The following GUCY1A2 variants were observed in gnomAD, a reference collection of about 807,000 sequenced individuals.
GUCY1A2 encodes guanylate cyclase 1 soluble subunit alpha 2.
In GUCY1A2, 27 loss-of-function variants were observed where a neutral mutation model predicts 63.5. The observed-to-expected ratio is 0.43, with a 90% CI of 0.31 to 0.59. The LOEUF is 0.59. Among genes scored for constraint, GUCY1A2 ranks in the 20% least tolerant of loss-of-function variants. GUCY1A2 has a pLI of 0.11. For synonymous variants in GUCY1A2, 364 were observed against 343.5 expected (o/e 1.06, Z -0.66); for missense variants, 768 against 913.3 (o/e 0.84, Z 2.05).
intron 4 of GUCY1A2, among the ~76,000 whole-genome samples, chr11:106,880,844 ATTGT>A (rs780541237): frequency 4.6e-5 from 7 of 151,988 alleles, no homozygotes; most frequent in Non-Finnish European, 8.8e-5. Flanking sequence ...GTTTGTTGTG[ATTGT>A]TTGTTTTGGT....
intron 6 of GUCY1A2, among the ~76,000 whole-genome samples, chr11:106,766,191 A>G (rs1171913185): frequency 1.3e-5 from 2 of 152,138 alleles, no homozygotes; most frequent in Non-Finnish European, 2.9e-5. Context: ...AACTCAGGTG[A>G]TTAAAGAGTT....
chr11:106,913,946 T>C (rs1222289484), intron 4 of GUCY1A2, among the ~76,000 whole-genome samples: 1 of 144,574 alleles, frequency 6.9e-6, no homozygotes, highest in Non-Finnish European at 1.5e-5. Context: ...AGAGTGCTAA[T>C]GTTTGTTGGG....
In GUCY1A2 at chr11:106,936,845, T is replaced by C. The variant is rs1860685352; in HGVS notation, c.1206+2615A>G. On this transcript the variant is annotated intron_variant, in intron 4 of 7. Transcript: ENST00000526355. ...AAATTATTTTAAAATAGCATTTTCTTATAAAAGCCAACTAAAAAATTAGAG... is the reference window on the plus strand; with the variant it reads ...AAATTATTTTAAAATAGCATTTTCTCATAAAAGCCAACTAAAAAATTAGAG... 9.4e-6 allele frequency: 5 copies of C among 532,332 alleles called. No homozygotes were observed. In the Admixed American group the frequency reaches 1.0e-4, roughly 11 times the overall value. The allele number at this position is 532,332 out of a possible 1,614,324, so 33.0% of individuals were successfully genotyped here. A position where few individuals can be genotyped will look rare whatever the true frequency, so the allele number is the denominator to read the frequency against.
At chr11:106,924,723 C>T (rs118004387) in intron 4 of GUCY1A2, among the ~76,000 whole-genome samples, 1,949 of 152,136 alleles carry the variant, frequency 0.013, 26 homozygotes, top group South Asian at 0.048. Flanking sequence ...TACACATCAT[C>T]GCCCAGCTTG....
At chr11:106,877,804 C>A (rs1044116590) in intron 4 of GUCY1A2, among the ~76,000 whole-genome samples, 2 of 152,058 alleles carry the variant, frequency 1.3e-5, no homozygotes, top group Non-Finnish European at 2.9e-5. Context: ...AGAGCTTCTT[C>A]ACATCAAAAG....
intron 7 of GUCY1A2, among the ~76,000 whole-genome samples, chr11:106,693,481 A>G (rs573813408): frequency 1.3e-5 from 2 of 152,130 alleles, no homozygotes; most frequent in Non-Finnish European, 2.9e-5. Flanking sequence ...ATTTGGTACA[A>G]TGACAATTAG....
intron 4 of GUCY1A2, among the ~76,000 whole-genome samples, chr11:106,845,824 G>A (rs180938119): frequency 4.0e-4 from 60 of 151,546 alleles, no homozygotes; most frequent in African/African-American, 1.4e-3. Flanking sequence ...GTTGGAAAAC[G>A]GTATGCTCAT....
chr11:106,725,374 G>A (rs1229129496), intron 6 of GUCY1A2, among the ~76,000 whole-genome samples: 2 of 47,510 alleles, frequency 4.2e-5, no homozygotes, highest in East Asian at 2.6e-4. Context: ...GGGTTTCACC[G>A]TTTTAGCCGG....
chr11:107,006,229 A>G (rs961585946), intron 1 of GUCY1A2, among the ~76,000 whole-genome samples: 1 of 152,240 alleles, frequency 6.6e-6, no homozygotes, highest in African/African-American at 2.4e-5. Context: ...TTTACAAGAA[A>G]GAAGTGAAGC....
At chr11:106,753,888 G>C (rs1041939036) in intron 6 of GUCY1A2, among the ~76,000 whole-genome samples, 2 of 152,182 alleles carry the variant, frequency 1.3e-5, no homozygotes, top group Non-Finnish European at 2.9e-5. Flanking sequence ...CCAATTCTGT[G>C]AAGAAAGTCA....
Position 106,698,119 on chromosome 11 carries a change from AT to A in GUCY1A2, c.1992-10364del, listed in dbSNP as rs71470827. ...TTTACAGCTTTCACTGAATGTTAGA[AT>A]TTTTTTTTTTTTTTTTTTAGACAGG... On this transcript the variant is annotated intron_variant, in intron 7 of 7. Transcript: ENST00000526355. Among the ~76,000 whole-genome samples, 521 of 100,476 alleles carry A rather than the reference AT, an allele frequency of 5.2e-3. 17 individuals are homozygous for A. The highest frequency in any genetic ancestry group is 0.012 in the Middle Eastern group (2 of 162). 65.9% of individuals were successfully genotyped at this position (100,476 alleles called of 152,430 possible). A position where few individuals can be genotyped will look rare whatever the true frequency, so the allele number is the denominator to read the frequency against.
chr11:106,800,263 A>T (rs1453422019), intron 5 of GUCY1A2, among the ~76,000 whole-genome samples: 1 of 152,226 alleles, frequency 6.6e-6, no homozygotes, highest in East Asian at 1.9e-4. Flanking sequence ...GATGTGGAGA[A>T]ATAGGAACAC....
intron 4 of GUCY1A2, among the ~76,000 whole-genome samples, chr11:106,928,235 T>G (rs1392757218): frequency 6.6e-6 from 1 of 152,136 alleles, no homozygotes; most frequent in African/African-American, 2.4e-5. Context: ...TGGTGTTCAA[T>G]GGCCAAAAAA....
At chr11:107,007,823 G>C (rs1389081333) in intron 1 of GUCY1A2, among the ~76,000 whole-genome samples, 1 of 152,066 alleles carries the variant, frequency 6.6e-6, no homozygotes, top group African/African-American at 2.4e-5. Flanking sequence ...TGGTAATACA[G>C]GATTTCTTAC....
chr11:106,866,490 C>G (rs915873593), intron 4 of GUCY1A2, among the ~76,000 whole-genome samples: 1 of 152,058 alleles, frequency 6.6e-6, no homozygotes, highest in East Asian at 1.9e-4. Flanking sequence ...AGAGAATGAA[C>G]TATTCTGTGC....
chr11:106,861,775 T>A (rs1045642480), intron 4 of GUCY1A2, among the ~76,000 whole-genome samples: 7 of 151,954 alleles, frequency 4.6e-5, no homozygotes, highest in African/African-American at 1.7e-4. Flanking sequence ...TATGGGGAAA[T>A]TACTCATTTA....
At chr11:106,899,682 T>C (rs1036543222) in intron 4 of GUCY1A2, among the ~76,000 whole-genome samples, 12 of 152,210 alleles carry the variant, frequency 7.9e-5, no homozygotes, top group African/African-American at 2.7e-4. Flanking sequence ...GAAATTCTTT[T>C]GATAATCTGA....
intron 6 of GUCY1A2, among the ~76,000 whole-genome samples, chr11:106,763,248 T>G (rs1487898): frequency 0.95 from 143,908 of 152,030 alleles, 68,144 homozygotes; most frequent in East Asian, 0.99. Flanking sequence ...TGTAATTTTT[T>G]TTGGTAAGTC....
chr11:106,783,840 G>C (rs1219363487), intron 5 of GUCY1A2, among the ~76,000 whole-genome samples: 2 of 152,182 alleles, frequency 1.3e-5, no homozygotes, highest in Non-Finnish European at 2.9e-5. Context: ...TTGGGTGGGG[G>C]TGGTTTCAAA....
Sources: allele counts gnomAD v4.1 joint callset (sites outside exome capture counted in the v4.1 genomes callset), GRCh38; gene constraint gnomAD v4.1.1; transcripts MANE v1.5; gene names NCBI Gene and HGNC (gene_info 2026-07-23, HGNC 2026-07-21).